ST6GALNAC3: variants seen among roughly 807,000 people sequenced by gnomAD.
ST6GALNAC3 encodes alpha-N-acetylgalactosaminide alpha-2,6-sialyltransferase 3.
A neutral mutation model predicts 32.7 loss-of-function variants in ST6GALNAC3; 25 were observed. The ratio of observed to expected loss-of-function variants is 0.76; its 90% CI spans 0.56 to 1.07. The LOEUF (loss-of-function observed/expected upper bound fraction) is 1.07, where lower values mean the gene tolerates loss of function less well. Ranked by LOEUF, ST6GALNAC3 falls within the 50% of genes least tolerant of loss-of-function variation. The probability of loss-of-function intolerance (pLI) is 0.00; values close to 1 mark genes in which losing one functional copy is unlikely to be tolerated. For missense variants in ST6GALNAC3, 355 were observed against 382.4 expected, an observed-to-expected ratio of 0.93 and a Z score of 0.60; for synonymous variants, 129 against 133.1, an observed-to-expected ratio of 0.97 and a Z score of 0.21.
chr1:76,240,405 A>G (rs2100664518), intron 1 of ST6GALNAC3, among the ~76,000 whole-genome samples: 1 of 152,320 alleles, frequency 6.6e-6, no homozygotes, highest in Middle Eastern at 3.4e-3. Context: ...ACAAACTGCT[A>G]ACTGTCCAGC....
At chr1:76,124,497 A>G (rs1227107980) in intron 1 of ST6GALNAC3, among the ~76,000 whole-genome samples, 3 of 151,714 alleles carry the variant, frequency 2.0e-5, no homozygotes, top group South Asian at 2.1e-4. Context: ...GATGTGCCGC[A>G]CTCCACCGAC....
At chr1:76,172,855 A>C (rs1652611499) in intron 1 of ST6GALNAC3, among the ~76,000 whole-genome samples, 1 of 152,212 alleles carries the variant, frequency 6.6e-6, no homozygotes, top group South Asian at 2.1e-4. Context: ...CGAATGGAAA[A>C]ACATTCCATC....
rs919208038 is a variant in ST6GALNAC3 at position 76,629,641 on chromosome 1, T to C, written c.*835T>C. ...CCAACTTCAACACTGTAATAACATA[T>C]ACTGTGAAAACATTCCTAAAAAGTA... is the stretch of plus-strand genomic sequence containing the variant. On this transcript the variant is annotated 3_prime_UTR_variant, in exon 5 of 5. Coordinates refer to ENST00000328299, the MANE Select transcript of ST6GALNAC3 (RefSeq NM_152996.4). The C allele has an allele frequency of 1.0e-6, 1 of 985,188 alleles. No individual in the cohort carries two copies. The highest frequency in any genetic ancestry group is 1.2e-6 in the Non-Finnish European group (1 of 829,518). The allele number at this position is 985,188 out of a possible 1,614,324, so 61.0% of individuals were successfully genotyped here. A position where few individuals can be genotyped will look rare whatever the true frequency, so the allele number is the denominator to read the frequency against.
At chr1:76,437,337 A>G (rs941495967) in intron 3 of ST6GALNAC3, among the ~76,000 whole-genome samples, 2 of 152,084 alleles carry the variant, frequency 1.3e-5, no homozygotes, top group African/African-American at 4.8e-5. Context: ...CTATGGAAAC[A>G]CAGGGTTCTC....
intron 1 of ST6GALNAC3, among the ~76,000 whole-genome samples, chr1:76,099,383 G>C (rs1335741): frequency 0.27 from 41,368 of 151,980 alleles, 6,093 homozygotes; most frequent in Admixed American, 0.34. Flanking sequence ...AAATGAAAAC[G>C]TATGTCCACA....
intron 1 of ST6GALNAC3, among the ~76,000 whole-genome samples, chr1:76,139,116 C>G (rs1650138714): frequency 6.6e-6 from 1 of 152,018 alleles, no homozygotes; most frequent in Non-Finnish European, 1.5e-5. Context: ...ATGGCGTGAA[C>G]CCGGGAGGCG....
chr1:76,474,378 T>C (rs1557458575), intron 3 of ST6GALNAC3, among the ~76,000 whole-genome samples: 1 of 151,988 alleles, frequency 6.6e-6, no homozygotes, highest in East Asian at 1.9e-4. Context: ...GGTGGCAAGG[T>C]TCAGCGGGAC....
chr1:76,212,892 A>G (rs889397412), intron 1 of ST6GALNAC3, among the ~76,000 whole-genome samples: 1 of 152,178 alleles, frequency 6.6e-6, no homozygotes, highest in African/African-American at 2.4e-5. Flanking sequence ...GCCACTGGCA[A>G]GTCTAAAACA....
intron 1 of ST6GALNAC3, among the ~76,000 whole-genome samples, chr1:76,139,313 A>G (rs1387247065): frequency 1.3e-5 from 2 of 152,230 alleles, no homozygotes; most frequent in African/African-American, 4.8e-5. Context: ...CAACTCATAC[A>G]TACATATGTA....
intron 1 of ST6GALNAC3, among the ~76,000 whole-genome samples, chr1:76,153,563 C>G (rs1156506537): frequency 6.6e-6 from 1 of 152,140 alleles, no homozygotes; most frequent in Non-Finnish European, 1.5e-5. Context: ...ATGGCTATTC[C>G]TTGTTCACTT....
At chr1:76,258,018 C>T (rs1224524024) in intron 1 of ST6GALNAC3, among the ~76,000 whole-genome samples, 2 of 152,116 alleles carry the variant, frequency 1.3e-5, no homozygotes, top group African/African-American at 4.8e-5. Context: ...TCATGTGCCC[C>T]TGAAAACTGC....
chr1:76,078,033 G>A (rs1646840493), intron 1 of ST6GALNAC3, among the ~76,000 whole-genome samples: 1 of 152,188 alleles, frequency 6.6e-6, no homozygotes, highest in Non-Finnish European at 1.5e-5. Context: ...GAAGGAGAGA[G>A]CAATTACCCC....
intron 1 of ST6GALNAC3, among the ~76,000 whole-genome samples, chr1:76,311,980 G>T (rs1646773601): frequency 6.6e-6 from 1 of 152,046 alleles, no homozygotes; most frequent in Non-Finnish European, 1.5e-5. Flanking sequence ...ATTCTAACTG[G>T]TGTGAGATGG....
At chr1:76,409,273 T>G (rs6665167) in intron 2 of ST6GALNAC3, among the ~76,000 whole-genome samples, 136,865 of 151,842 alleles carry the variant, frequency 0.9, 63,307 homozygotes, top group East Asian at 1. Flanking sequence ...CCTTACTGTG[T>G]TAGGGGTGAT....
intron 3 of ST6GALNAC3, among the ~76,000 whole-genome samples, chr1:76,578,502 C>A (rs1646844891): frequency 6.6e-6 from 1 of 151,914 alleles, no homozygotes; most frequent in African/African-American, 2.4e-5. Flanking sequence ...AGTAGCTGAA[C>A]CATCTTTTTA....
In ST6GALNAC3 at chr1:76,538,819, A is replaced by T. The variant is rs557404328; in HGVS notation, c.624-88633A>T. Among the ~76,000 whole-genome samples, 10 of 152,290 alleles carry T rather than the reference A, an allele frequency of 6.6e-5. No individual in the cohort carries two copies. In the South Asian group the frequency reaches 2.1e-3, roughly 32 times the overall value. On this transcript the variant is annotated intron_variant, in intron 3 of 4. Transcript: ENST00000328299. The stretch of plus-strand genomic sequence containing the variant: ...GGAATATAGCTAACACGGTATGTGA[A>T]GGACCTCATCAAGGAGAACTACAAA...
At chr1:76,200,416 A>C (rs1654450366) in intron 1 of ST6GALNAC3, among the ~76,000 whole-genome samples, 3 of 152,054 alleles carry the variant, frequency 2.0e-5, no homozygotes, top group African/African-American at 7.2e-5. Context: ...CAGCTCATCC[A>C]TGCCTTTGGG....
intron 1 of ST6GALNAC3, among the ~76,000 whole-genome samples, chr1:76,106,060 A>G (rs553197360): frequency 6.6e-6 from 1 of 152,300 alleles, no homozygotes; most frequent in African/African-American, 2.4e-5. Flanking sequence ...CTCTGGGTCT[A>G]TTTTCTTCTC....
intron 3 of ST6GALNAC3, among the ~76,000 whole-genome samples, chr1:76,613,390 A>G (rs543199581): frequency 2.6e-4 from 40 of 152,176 alleles, no homozygotes; most frequent in Non-Finnish European, 5.1e-4. Flanking sequence ...TGTTATTTAT[A>G]AAAAGTACAG....
Sources: gnomAD v4.1 joint callset for allele counts (sites outside exome capture counted in the v4.1 genomes callset) on GRCh38, gnomAD v4.1.1 for gene constraint, MANE v1.5 for transcripts, NCBI Gene and HGNC (gene_info 2026-07-23, HGNC 2026-07-21) for gene names.